The following TACR1 variants were observed in gnomAD, a reference collection of about 807,000 sequenced individuals.
TACR1 encodes the protein substance-P receptor.
A neutral mutation model predicts 35.8 loss-of-function variants in TACR1; 25 were observed. The ratio of observed to expected loss-of-function variants is 0.70; its 90% confidence interval spans 0.51 to 0.98. TACR1 has a LOEUF of 0.98. Ranked by LOEUF, TACR1 falls within the 50% of genes least tolerant of loss-of-function variation. TACR1 has a pLI of 0.00. For missense variants in TACR1, 478 were observed against 522.9 expected, an observed-to-expected ratio of 0.91 and a Z score of 0.84; for synonymous variants, 195 against 206.7, an observed-to-expected ratio of 0.94 and a Z score of 0.48.
At chr2:75,079,468 C>G (rs1464643354) in intron 2 of TACR1, among the ~76,000 whole-genome samples, 1 of 152,156 alleles carries the variant, frequency 6.6e-6, no homozygotes, top group Non-Finnish European at 1.5e-5. Flanking sequence ...TGGTGTCCTC[C>G]CTGCTGTCCA....
intron 1 of TACR1, among the ~76,000 whole-genome samples, chr2:75,185,236 G>A (rs1277352499): frequency 6.6e-6 from 1 of 151,858 alleles, no homozygotes. Context: ...TTAAATTATT[G>A]GAGTGGAATA....
intron 2 of TACR1, among the ~76,000 whole-genome samples, chr2:75,093,291 A>G (rs1167823641): frequency 6.6e-6 from 1 of 152,184 alleles, no homozygotes; most frequent in South Asian, 2.1e-4. Context: ...ATCTTTGCAT[A>G]GCATCTATGC....
chr2:75,143,157 G>A (rs1205194226), intron 1 of TACR1, among the ~76,000 whole-genome samples: 1 of 152,200 alleles, frequency 6.6e-6, no homozygotes, highest in Admixed American at 6.5e-5. Context: ...AGGAGGTTTG[G>A]TTGGGCTATA....
chr2:75,051,764 T>A (rs1320091002), intron 3 of TACR1, among the ~76,000 whole-genome samples: 1 of 152,188 alleles, frequency 6.6e-6, no homozygotes, highest in Admixed American at 6.5e-5. Context: ...AAATTCTGAG[T>A]GTGACAAACC....
At chr2:75,069,318 AT>A (rs1672830770) in intron 2 of TACR1, among the ~76,000 whole-genome samples, 1 of 88,506 alleles carries the variant, frequency 1.1e-5, no homozygotes, top group Admixed American at 1.5e-4. Context: ...GTATATGTAT[AT>A]CTATATCTAT....
chr2:75,149,757 C>A (rs533952573), intron 1 of TACR1, among the ~76,000 whole-genome samples: 1 of 152,218 alleles, frequency 6.6e-6, no homozygotes, highest in Admixed American at 6.5e-5. Context: ...ATTGCCCTGG[C>A]CAGAACTTTC....
chr2:75,119,081 A>G (rs1475592572), intron 2 of TACR1: 1 of 152,250 alleles, frequency 6.6e-6, no homozygotes, highest in East Asian at 1.9e-4. Context: ...TTCCATGCTC[A>G]TGGAACAGAT....
chr2:75,053,592 G>C lies in TACR1; in HGVS notation c.735+13C>G. The C allele has an allele frequency of 6.6e-7, 1 of 1,515,842 alleles. No homozygotes were observed. Among genetic ancestry groups the C allele is most frequent in the South Asian group, 1.3e-5 (1 of 74,174 alleles). The allele number at this position is 1,515,842 out of a possible 1,614,324, so 93.9% of individuals were successfully genotyped here. On this transcript the variant is annotated intron_variant, in intron 3 of 4. Transcript: ENST00000305249. ...GTGCCAGGGTGGGTTAGTTCTGCCT[G>C]TCCCCTGCTCACCTTGCGCTTGGCA... is the stretch of plus-strand genomic sequence containing the variant.
intron 2 of TACR1, among the ~76,000 whole-genome samples, chr2:75,102,666 GA>G (rs1026779306): frequency 1.3e-5 from 2 of 151,526 alleles, no homozygotes; most frequent in African/African-American, 2.4e-5. Context: ...GAGCTTAAAA[GA>G]AAAAAAATTA....
intron 1 of TACR1, among the ~76,000 whole-genome samples, chr2:75,139,270 C>T (rs559843919): frequency 2.0e-5 from 3 of 152,258 alleles, no homozygotes; most frequent in East Asian, 1.9e-4. Flanking sequence ...CCTAAGAAAA[C>T]GGAGGCACAA....
intron 2 of TACR1, 37 bp from the exon 3 acceptor site, chr2:75,053,792 A>G (rs1336602975): frequency 1.9e-6 from 3 of 1,613,440 alleles, no homozygotes; most frequent in South Asian, 2.2e-5. Flanking sequence ...AGTATGATAT[A>G]CTTATTATTT....
chr2:75,063,293 C>T (rs1158954320), intron 2 of TACR1, among the ~76,000 whole-genome samples: 2 of 152,154 alleles, frequency 1.3e-5, no homozygotes, highest in Non-Finnish European at 2.9e-5. Context: ...ATAATTTACT[C>T]AGTTGTATAT....
chr2:75,144,260 T>C (rs557603633), intron 1 of TACR1, among the ~76,000 whole-genome samples: 12 of 152,342 alleles, frequency 7.9e-5, no homozygotes, highest in African/African-American at 2.6e-4. Context: ...GCACAGCCTG[T>C]GGGCTTCTGA....
At chr2:75,184,546 C>A (rs72920683) in intron 1 of TACR1, among the ~76,000 whole-genome samples, 12,112 of 151,486 alleles carry the variant, frequency 0.08, 568 homozygotes, top group African/African-American at 0.12. Context: ...CCAGAAAAAT[C>A]ATTAGAACTT....
At chr2:75,139,939 T>C (rs1426629830) in intron 1 of TACR1, among the ~76,000 whole-genome samples, 5 of 152,212 alleles carry the variant, frequency 3.3e-5, no homozygotes, top group Admixed American at 3.3e-4. Context: ...GCTCATTAAT[T>C]CTAGGTGCAC....
At chr2:75,106,814 C>G (rs528935351) in intron 2 of TACR1, among the ~76,000 whole-genome samples, 3 of 151,188 alleles carry the variant, frequency 2.0e-5, no homozygotes, top group Non-Finnish European at 4.4e-5. Flanking sequence ...TAATAGTCAA[C>G]AAACCATCTA....
In TACR1 at chr2:75,046,847, T is replaced by C. The variant is rs1573453446; in HGVS notation, c.*2585A>G. 6.6e-6 allele frequency: 1 copy of C among 152,180 alleles called. No individual in the cohort carries two copies. Among genetic ancestry groups the C allele is most frequent in the Admixed American group, 6.5e-5 (1 of 15,278 alleles). 9.4% of individuals were successfully genotyped at this position (152,180 alleles called of 1,614,324 possible). ...ACAGTGACAGCAATGAGATCTCACATTTTGGAAGTCACGTAACAAAGATGG... is the reference window on the plus strand; with the variant it reads ...ACAGTGACAGCAATGAGATCTCACACTTTGGAAGTCACGTAACAAAGATGG... On this transcript the variant is annotated 3_prime_UTR_variant, in exon 5 of 5. Transcript: ENST00000305249.
intron 2 of TACR1, among the ~76,000 whole-genome samples, chr2:75,099,907 A>C (rs1186677740): frequency 6.6e-6 from 1 of 152,162 alleles, no homozygotes; most frequent in Non-Finnish European, 1.5e-5. Context: ...CACAGAACAC[A>C]TATGTCCACT....
chr2:75,158,554 G>A (rs1262153444), intron 1 of TACR1, among the ~76,000 whole-genome samples: 1 of 152,192 alleles, frequency 6.6e-6, no homozygotes, highest in Non-Finnish European at 1.5e-5. Flanking sequence ...GTAGTTAGCA[G>A]CAGGGTTAAA....
Sources: allele counts gnomAD v4.1 joint callset (sites outside exome capture counted in the v4.1 genomes callset), GRCh38; gene constraint gnomAD v4.1.1; transcripts MANE v1.5; gene names NCBI Gene and HGNC (gene_info 2026-07-23, HGNC 2026-07-21).